The following LRBA variants were observed in gnomAD, a reference collection of about 807,000 sequenced individuals.
The protein encoded by LRBA is LPS responsive beige-like anchor protein.
Under a neutral mutation model 330.0 loss-of-function variants are expected in LRBA, and 176 were observed. The observed-to-expected ratio is 0.53, with a 90% CI of 0.47 to 0.60. LRBA has a LOEUF of 0.60. Among genes scored for constraint, LRBA ranks in the 20% least tolerant of loss-of-function variants. LRBA has a pLI of 0.00. For missense variants in LRBA, 3,259 were observed against 3,444.8 expected (o/e 0.95, Z 1.35); for synonymous variants, 1,230 against 1,193.0 (o/e 1.03, Z -0.64).
intron 49 of LRBA, among the ~76,000 whole-genome samples, chr4:150,323,986 T>C (rs960314850): frequency 6.6e-6 from 1 of 152,224 alleles, no homozygotes; most frequent in Non-Finnish European, 1.5e-5. Context: ...AAACTGCCTT[T>C]TCCCCATGCA....
chr4:150,926,720 G>C, intron 4 of LRBA, among the ~76,000 whole-genome samples: 1 of 151,956 alleles, frequency 6.6e-6, no homozygotes, highest in South Asian at 2.1e-4. Context: ...ATATTGTCAA[G>C]GATTTAAAGG....
chr4:150,290,234 T>C (rs1175060111), intron 53 of LRBA, among the ~76,000 whole-genome samples: 1 of 152,220 alleles, frequency 6.6e-6, no homozygotes, highest in Non-Finnish European at 1.5e-5. Flanking sequence ...AACAAGATGA[T>C]TCTGGCCATA....
At chr4:150,387,237 G>A (rs906188702) in intron 47 of LRBA, among the ~76,000 whole-genome samples, 4 of 151,656 alleles carry the variant, frequency 2.6e-5, no homozygotes, top group Non-Finnish European at 5.9e-5. Flanking sequence ...TTCTTTTGCT[G>A]TCAAATTATT....
intron 2 of LRBA, among the ~76,000 whole-genome samples, chr4:151,006,904 T>C (rs59017631): frequency 0.058 from 8,847 of 152,224 alleles, 782 homozygotes; most frequent in African/African-American, 0.2. Flanking sequence ...CTACTCATGA[T>C]AGCTAGTAAA....
At chr4:150,527,507 G>C (rs1477413720) in intron 40 of LRBA, among the ~76,000 whole-genome samples, 1 of 152,038 alleles carries the variant, frequency 6.6e-6, no homozygotes, top group Non-Finnish European at 1.5e-5. Flanking sequence ...GGACCAATAA[G>C]ACAAAGAAAA....
At chr4:150,353,041 T>C (rs1160653287) in intron 47 of LRBA, among the ~76,000 whole-genome samples, 1 of 152,202 alleles carries the variant, frequency 6.6e-6, no homozygotes, top group East Asian at 1.9e-4. Context: ...TAATTAGAAC[T>C]TTCAATCAGG....
At position 150,827,040 on chromosome 4, in the gene LRBA, G is replaced by A. The variant is rs72719640; in HGVS notation, c.5171+1140C>T. Among the ~76,000 whole-genome samples the A allele has an allele frequency of 1.6e-3, 242 of 152,296 alleles. 1 individual carries two copies. Among genetic ancestry groups the A allele is most frequent in the Admixed American group, 3.6e-3 (55 of 15,292 alleles). ...ATGACAAAAAGGTGAGGGGTGAAGG[G>A]TTTCAAGATATGAATCTCAGAGAAA... On this transcript the variant is annotated intron_variant, in intron 30 of 56. Coordinates refer to ENST00000651943, the MANE Select transcript of LRBA (RefSeq NM_001364905.1).
intron 33 of LRBA, among the ~76,000 whole-genome samples, chr4:150,798,779 C>A (rs28630451): frequency 0.09 from 13,613 of 152,054 alleles, 1,064 homozygotes; most frequent in African/African-American, 0.2. Context: ...TTAAAGAAGT[C>A]TTTGGTTTTA....
intron 36 of LRBA, among the ~76,000 whole-genome samples, chr4:150,719,572 T>C (rs1181817531): frequency 6.6e-6 from 1 of 152,004 alleles, no homozygotes; most frequent in Non-Finnish European, 1.5e-5. Context: ...CATTAAAAAA[T>C]TGGTTGCCAA....
intron 1 of LRBA, 144 bp from the exon 2 acceptor site, chr4:151,015,005 G>A (rs1488778847): frequency 1.0e-5 from 2 of 194,710 alleles, no homozygotes; most frequent in African/African-American, 4.6e-5. Context: ...GGCTCAAAAA[G>A]CTGGGTTCTG....
intron 2 of LRBA, among the ~76,000 whole-genome samples, chr4:150,967,400 C>G (rs1360363144): frequency 1.3e-5 from 2 of 152,200 alleles, no homozygotes; most frequent in East Asian, 1.9e-4. Flanking sequence ...TATTCTACTC[C>G]CTTGCCTTTG....
At chr4:150,288,421 A>C (rs1748435281) in intron 53 of LRBA, among the ~76,000 whole-genome samples, 1 of 152,112 alleles carries the variant, frequency 6.6e-6, no homozygotes, top group South Asian at 2.1e-4. Context: ...CAGCCTGGCC[A>C]ACATGGTGAA....
At chr4:150,402,408 C>A (rs575389810) in intron 47 of LRBA, among the ~76,000 whole-genome samples, 1 of 151,374 alleles carries the variant, frequency 6.6e-6, no homozygotes, top group Non-Finnish European at 1.5e-5. Flanking sequence ...AAGAAAGAAG[C>A]GGGGAAGAAA....
At chr4:150,571,933 C>T (rs967252207) in intron 40 of LRBA, among the ~76,000 whole-genome samples, 1 of 151,638 alleles carries the variant, frequency 6.6e-6, no homozygotes, top group African/African-American at 2.4e-5. Context: ...CAAACTCCCA[C>T]TTCTAGTTAT....
At chr4:150,449,843 T>C (rs1753130246) in intron 44 of LRBA, among the ~76,000 whole-genome samples, 1 of 151,886 alleles carries the variant, frequency 6.6e-6, no homozygotes, top group Non-Finnish European at 1.5e-5. Context: ...TAAAATAGAA[T>C]CATAAAAATA....
chr4:150,906,439 AC>A lies in LRBA; in HGVS notation c.1494-35del, dbSNP rs371939107. Reference sequence around the variant, plus strand: ...TTTTAAAAAGGCGATGATTAAAAAAACATATTCTATTTTTTTTAAATTAGGT... The same window carrying A: ...TTTTAAAAAGGCGATGATTAAAAAAAATATTCTATTTTTTTTAAATTAGGT... On this transcript the variant is annotated intron_variant, in intron 11 of 56. Coordinates refer to ENST00000651943, the MANE Select transcript of LRBA (RefSeq NM_001364905.1). The A allele has an allele frequency of 5.3e-4, 623 of 1,181,652 alleles. 3 individuals carry two copies. In the East Asian group the frequency reaches 0.012, roughly 23 times the overall value. 73.2% of individuals were successfully genotyped at this position (1,181,652 alleles called of 1,614,324 possible).
rs1483704090 is a variant in LRBA, at chr4:150,905,845, G to A, written c.1748C>T (p.Pro583Leu). ...TATATAGATATATATTACCTTGGCTGGGGTATGAATCCATATGGCAGGATT... is the reference window on the plus strand; with the variant it reads ...TATATAGATATATATTACCTTGGCTAGGGTATGAATCCATATGGCAGGATT... Reference protein sequence around the residue: ...LLNPAIWIHTPAKVQLMLYTY... With the variant: ...LLNPAIWIHTLAKVQLMLYTY... The change falls in exon 13 of 57, where the codon CCA (proline) becomes CTA (leucine). Residue 583 changes from proline (P) to leucine (L), a missense_variant. Coordinates refer to ENST00000651943, the MANE Select transcript of LRBA (RefSeq NM_001364905.1). The A allele has an allele frequency of 6.2e-7, 1 of 1,612,056 alleles. No homozygotes were observed. Among genetic ancestry groups the A allele is most frequent in the Non-Finnish European group, 8.5e-7 (1 of 1,178,644 alleles).
At chr4:150,639,864 TATATATATTTA>T (rs1778493682) in intron 37 of LRBA, among the ~76,000 whole-genome samples, 1 of 87,066 alleles carries the variant, frequency 1.1e-5, no homozygotes, top group Non-Finnish European at 2.2e-5. Context: ...TATATATATA[TATATATATTTA>T]GATGGAGTTT....
intron 53 of LRBA, among the ~76,000 whole-genome samples, chr4:150,293,869 C>T (rs1490082214): frequency 6.6e-6 from 1 of 152,222 alleles, no homozygotes; most frequent in East Asian, 1.9e-4. Flanking sequence ...TGATGATCTA[C>T]TTCCACTTAA....
Sources: allele counts gnomAD v4.1 joint callset (sites outside exome capture counted in the v4.1 genomes callset), GRCh38; gene constraint gnomAD v4.1.1; transcripts MANE v1.5; gene names NCBI Gene and HGNC (gene_info 2026-07-23, HGNC 2026-07-21).